KAT6A: variants seen among roughly 807,000 people sequenced by gnomAD.
KAT6A encodes the protein lysine acetyltransferase 6A, also known as histone acetyltransferase KAT6A.
A neutral mutation model predicts 198.4 loss-of-function variants in KAT6A; 9 were observed. The observed-to-expected ratio is 0.05, with a 90% CI of 0.03 to 0.08. The LOEUF (loss-of-function observed/expected upper bound fraction) is 0.08, where lower values mean the gene tolerates loss of function less well. Among genes scored for constraint, KAT6A ranks in the 10% least tolerant of loss-of-function variants. The pLI is 1.00. For missense variants in KAT6A, 2,077 were observed against 2,509.9 expected (o/e 0.83, Z 3.69); for synonymous variants, 890 against 883.0 (o/e 1.01, Z -0.14).
chr8:42,007,016 A>AG (rs34145197), intron 2 of KAT6A, among the ~76,000 whole-genome samples: 2 of 151,214 alleles, frequency 1.3e-5, no homozygotes, highest in African/African-American at 4.9e-5. Context: ...AAAAAAAAAA[A>AG]TCAGTCAACT....
rs142510204 is a variant in KAT6A, at chr8:41,941,091, G to C, written c.2790C>G (p.Asp930Glu). ...TTCTCTTGGGAAGGTCAGGTTTCCC[G>C]TCCTGGCTTGGCTGCTCCTCAGAAG... ...LVASEEQPSQ[D>E]GKPDLPKRRL... Residue 930 changes from aspartate (D) to glutamate (E), a missense_variant, in exon 15 of 17, where the codon GAC becomes GAG. By Grantham distance (45) the Asp-to-Glu change is conservative (BLOSUM62 2). This residue lies in a region of KAT6A where 301 missense variants were observed against 272.2 expected (regional missense o/e 1.11). Coordinates refer to ENST00000265713, the MANE Select transcript of KAT6A (RefSeq NM_006766.5). 2.0e-5 allele frequency: 32 copies of C among 1,614,176 alleles called. No homozygotes were observed. In the African/African-American group the frequency reaches 3.9e-4, roughly 19 times the overall value.
chr8:42,001,773 T>C (rs764455876), intron 2 of KAT6A, among the ~76,000 whole-genome samples: 2 of 152,126 alleles, frequency 1.3e-5, no homozygotes, highest in African/African-American at 2.4e-5. Flanking sequence ...CAACAAGGAA[T>C]AGGGGCTTGT....
Position 41,932,641 on chromosome 8 carries a change from T to C in KAT6A, c.5579A>G (p.Lys1860Arg), listed in dbSNP as rs1168821950. 2 of 1,614,072 alleles carry C rather than the reference T, an allele frequency of 1.2e-6. No homozygotes were observed. The highest frequency in any genetic ancestry group is 1.1e-5 in the South Asian group (1 of 91,090). Residue 1860 changes from lysine to arginine, a missense_variant, in exon 17 of 17, where the codon AAG (lysine) becomes AGG (arginine). Physicochemically the swap from Lys to Arg is conservative, Grantham distance 26. This residue lies in a region of KAT6A where 500 missense variants were observed against 577.2 expected (regional missense o/e 0.87). Coordinates refer to ENST00000265713, the MANE Select transcript of KAT6A (RefSeq NM_006766.5). Reference protein sequence around the residue: ...PVKGHISIRSKSAPLPSAAAH... With the variant: ...PVKGHISIRSRSAPLPSAAAH... ...AGCCGCAGAGGGCAGTGGCGCAGAC[T>C]TGGAGCGGATGGAAATGTGCCCCTT... is the stretch of plus-strand genomic sequence containing the variant.
intron 3 of KAT6A, among the ~76,000 whole-genome samples, chr8:41,986,936 G>A (rs1015613158): frequency 6.6e-6 from 1 of 152,108 alleles, no homozygotes; most frequent in Non-Finnish European, 1.5e-5. Flanking sequence ...TACTCGGGAG[G>A]CTGAGGCTGG....
intron 2 of KAT6A, among the ~76,000 whole-genome samples, chr8:41,989,379 T>C (rs759656626): frequency 3.3e-5 from 5 of 151,938 alleles, no homozygotes; most frequent in Non-Finnish European, 7.4e-5. Context: ...CGTGGTGACA[T>C]GCATCTGTAA....
chr8:41,979,514 C>T (rs541978595), intron 5 of KAT6A, among the ~76,000 whole-genome samples: 1 of 152,162 alleles, frequency 6.6e-6, no homozygotes, highest in Admixed American at 6.5e-5. Flanking sequence ...GTGGCTCACG[C>T]CTGTAATCCC....
intron 2 of KAT6A, among the ~76,000 whole-genome samples, chr8:42,048,145 GTTC>G (rs1260761154): frequency 1.3e-5 from 2 of 152,016 alleles, no homozygotes; most frequent in East Asian, 3.9e-4. Context: ...ATGTAAATAA[GTTC>G]TTTTAGTCAG....
chr8:41,991,198 A>T (rs888884766), intron 2 of KAT6A, among the ~76,000 whole-genome samples: 6 of 152,244 alleles, frequency 3.9e-5, no homozygotes, highest in African/African-American at 1.4e-4. Flanking sequence ...CAAAATGTTC[A>T]GAGCAGCATT....
intron 2 of KAT6A, among the ~76,000 whole-genome samples, chr8:42,026,320 AT>A (rs547988539): frequency 1.3e-5 from 2 of 152,070 alleles, no homozygotes; most frequent in Non-Finnish European, 2.9e-5. Context: ...TGTTGATGGT[AT>A]TTTTATGGGG....
chr8:41,994,275 C>T (rs543777642), intron 2 of KAT6A, among the ~76,000 whole-genome samples: 1 of 152,284 alleles, frequency 6.6e-6, no homozygotes, highest in South Asian at 2.1e-4. Flanking sequence ...CATTCAGCTG[C>T]CCCCAACTCT....
chr8:42,001,776 G>A (rs1443220585), intron 2 of KAT6A, among the ~76,000 whole-genome samples: 1 of 152,102 alleles, frequency 6.6e-6, no homozygotes, highest in Admixed American at 6.6e-5. Flanking sequence ...CAAGGAATAG[G>A]GGCTTGTCAA....
chr8:41,971,240 A>G (rs911236090), intron 8 of KAT6A, among the ~76,000 whole-genome samples: 2 of 152,130 alleles, frequency 1.3e-5, no homozygotes, highest in African/African-American at 2.4e-5. Flanking sequence ...AAAAAAAAAA[A>G]AAAGAAAGGC....
At position 42,013,260 on chromosome 8, in the gene KAT6A, C is replaced by CT. The variant is rs34675415; in HGVS notation, c.601-25698dup. Among the ~76,000 whole-genome samples, 113 of 143,016 alleles carry CT rather than the reference C, an allele frequency of 7.9e-4. 1 individual carries two copies. The South Asian group carries it at 8.0e-3, about 10-fold the overall frequency. The allele number at this position is 143,016 out of a possible 152,430, so 93.8% of individuals were successfully genotyped here. On this transcript the variant is annotated intron_variant, in intron 2 of 16. Transcript: ENST00000265713. The stretch of plus-strand genomic sequence containing the variant: ...GTGGCTCTGTCATTTTTCTTTCTTT[C>CT]TTTTTTTTTTTTTTTAGATGGAGTC...
chr8:42,014,145 G>A (rs1387732873), intron 2 of KAT6A, among the ~76,000 whole-genome samples: 2 of 151,980 alleles, frequency 1.3e-5, no homozygotes, highest in Non-Finnish European at 2.9e-5. Context: ...TTTAGCTCAT[G>A]AACTATAAAG....
chr8:41,985,707 G>C (rs1824567712), intron 3 of KAT6A, among the ~76,000 whole-genome samples: 1 of 152,142 alleles, frequency 6.6e-6, no homozygotes, highest in Non-Finnish European at 1.5e-5. Context: ...TGACCCCAGA[G>C]TCAGTCCTTA....
At position 41,933,303 on chromosome 8, in the gene KAT6A, C is replaced by G. The variant is rs532935417; in HGVS notation, c.4917G>C (p.Val1639=). ...NCSIKSPQSC[V]VERPPSNQQQ... ...GCTGGTTACTGGGAGGCCTCTCCACCACGCAGCTCTGAGGTGACTTGATGC... is the reference window on the plus strand; with the variant it reads ...GCTGGTTACTGGGAGGCCTCTCCACGACGCAGCTCTGAGGTGACTTGATGC... The change falls in exon 17 of 17, where the codon GTG becomes GTC. Residue 1639 remains valine (V), a synonymous_variant. Transcript: ENST00000265713. The surrounding 1 kb of genome is among the most constrained non-coding windows in gnomAD (Gnocchi z 6.2). 1.5e-5 allele frequency: 23 copies of G among 1,578,788 alleles called. 1 individual carries two copies. In the South Asian group the frequency reaches 2.3e-4, roughly 16 times the overall value.
chr8:42,002,761 A>G (rs1825559074), intron 2 of KAT6A, among the ~76,000 whole-genome samples: 1 of 152,210 alleles, frequency 6.6e-6, no homozygotes, highest in African/African-American at 2.4e-5. Flanking sequence ...GACCAATCCC[A>G]TATTGATGAA....
At chr8:42,038,605 TGGCACTGGACAA>T (rs1203655325) in intron 2 of KAT6A, among the ~76,000 whole-genome samples, 1 of 152,230 alleles carries the variant, frequency 6.6e-6, no homozygotes, top group Non-Finnish European at 1.5e-5. Context: ...ACTGGCTGTG[TGGCACTGGACAA>T]GACACTTCAA....
At chr8:42,015,298 T>TG (rs1312511307) in intron 2 of KAT6A, among the ~76,000 whole-genome samples, 1 of 152,230 alleles carries the variant, frequency 6.6e-6, no homozygotes, top group Non-Finnish European at 1.5e-5. Context: ...ATGGATGAGC[T>TG]GGGGGGAAAG....
Sources: gnomAD v4.1 joint callset for allele counts (sites outside exome capture counted in the v4.1 genomes callset) on GRCh38, gnomAD v4.1.1 for gene constraint, gnomAD v4.1.1 regional missense constraint, Gnocchi (gnomAD v3.1) non-coding constraint, MANE v1.5 for transcripts, NCBI Gene and HGNC (gene_info 2026-07-23, HGNC 2026-07-21) for gene names.